Variants in ADAMTS9 observed in about 807,000 individuals in gnomAD.
ADAMTS9 encodes ADAM metallopeptidase with thrombospondin type 1 motif 9, also known as A disintegrin and metalloproteinase with thrombospondin motifs 9.
A neutral mutation model predicts 257.1 loss-of-function variants in ADAMTS9; 107 were observed. The observed-to-expected ratio is 0.42, with a 90% confidence interval of 0.36 to 0.49. The LOEUF (loss-of-function observed/expected upper bound fraction) is 0.49, where lower values mean the gene tolerates loss of function less well. ADAMTS9 is among the 20% of genes least tolerant of loss of function. The pLI is 0.03. For missense variants in ADAMTS9, 2,353 were observed against 2,469.1 expected (o/e 0.95, Z 1.00); for synonymous variants, 982 against 880.9 (o/e 1.11, Z -2.03).
chr3:64,589,403 C>T (rs920358562), intron 28 of ADAMTS9: 2 of 152,102 alleles, frequency 1.3e-5, no homozygotes, highest in Non-Finnish European at 2.9e-5. Flanking sequence ...TTTCTTTCTG[C>T]CAAAACAAGA....
chr3:64,681,950 T>C (rs1219820495), intron 2 of ADAMTS9, among the ~76,000 whole-genome samples: 4 of 152,176 alleles, frequency 2.6e-5, no homozygotes, highest in African/African-American at 7.2e-5. Flanking sequence ...TAGGGACAAG[T>C]ATGCACTCCA....
Position 64,532,150 on chromosome 3 carries a change from C to T in ADAMTS9, c.5718+1016G>A, listed in dbSNP as rs139015495. On this transcript the variant is annotated intron_variant, in intron 38 of 39. Coordinates refer to ENST00000498707, the MANE Select transcript of ADAMTS9 (RefSeq NM_182920.2). ...GGTGAGAAACAGTACACAGTCGACA[C>T]GCTCCTCAGTTTACAATGGGGTTAT... Among the ~76,000 whole-genome samples the T allele has an allele frequency of 3.1e-3, 479 of 152,274 alleles. 3 individuals carry two copies. The highest frequency in any genetic ancestry group is 0.011 in the African/African-American group (444 of 41,540).
intron 36 of ADAMTS9, 133 bp from the exon 37 acceptor site, chr3:64,539,427 T>C (rs2083092856): frequency 1.3e-6 from 1 of 751,978 alleles, no homozygotes; most frequent in African/African-American, 1.7e-5. Flanking sequence ...AGAAGCAATG[T>C]GAAATATTAG....
chr3:64,581,464 C>A (rs977053126), intron 28 of ADAMTS9, among the ~76,000 whole-genome samples: 1 of 152,006 alleles, frequency 6.6e-6, no homozygotes, highest in African/African-American at 2.4e-5. Flanking sequence ...GATTTCACCA[C>A]GTTGCCAAGG....
chr3:64,539,153 G>C, intron 37 of ADAMTS9, 50 bp downstream of exon 37: 1 of 1,530,056 alleles, frequency 6.5e-7, no homozygotes, highest in Non-Finnish European at 9.1e-7. Flanking sequence ...ATGTTCCCGG[G>C]AAAGGTGGGA....
intron 3 of ADAMTS9, among the ~76,000 whole-genome samples, chr3:64,661,119 T>C (rs1701210280): frequency 6.6e-6 from 1 of 152,202 alleles, no homozygotes. Context: ...AGGACTACTA[T>C]AGTAAAATCT....
At chr3:64,664,731 A>T (rs531583093) in intron 3 of ADAMTS9, among the ~76,000 whole-genome samples, 120 of 152,336 alleles carry the variant, frequency 7.9e-4, no homozygotes, top group Non-Finnish European at 1.4e-3. Flanking sequence ...GCTGCTATGA[A>T]CATTCATGTG....
At position 64,539,150 on chromosome 3, in the gene ADAMTS9, C is replaced by T. The variant is rs1236620996; in HGVS notation, c.5613+53G>A. The T allele has an allele frequency of 1.1e-5, 17 of 1,518,678 alleles. 1 individual carries two copies. In the South Asian group the frequency reaches 1.4e-4, roughly 12 times the overall value. 94.1% of individuals were successfully genotyped at this position (1,518,678 alleles called of 1,614,324 possible). On this transcript the variant is annotated intron_variant, in intron 37 of 39. Coordinates refer to ENST00000498707, the MANE Select transcript of ADAMTS9 (RefSeq NM_182920.2). ...GAACAGATGCAACTGAGGATGTTCC[C>T]GGGAAAGGTGGGAGGTGAATCCCTG...
chr3:64,535,847 C>G (rs568110708), intron 37 of ADAMTS9, among the ~76,000 whole-genome samples: 1 of 152,066 alleles, frequency 6.6e-6, no homozygotes, highest in African/African-American at 2.4e-5. Flanking sequence ...CTGCCACCCC[C>G]TCCCCCCAAA....
In ADAMTS9 at chr3:64,541,829, C is replaced by G. The variant is rs1253506993; in HGVS notation, c.5197+9G>C. The G allele has an allele frequency of 4.3e-6, 7 of 1,613,932 alleles. No homozygotes were observed. Among genetic ancestry groups the G allele is most frequent in the Non-Finnish European group, 5.9e-6 (7 of 1,179,938 alleles). On this transcript the variant is annotated intron_variant, in intron 33 of 39. Coordinates refer to ENST00000498707, the MANE Select transcript of ADAMTS9 (RefSeq NM_182920.2). ...GCTAAAGAAAGATAACTTCAGTTGG[C>G]CAACTTACAGTTATAGACATTACGG...
intron 28 of ADAMTS9, among the ~76,000 whole-genome samples, chr3:64,576,559 GC>G (rs986220608): frequency 2.6e-5 from 4 of 152,214 alleles, no homozygotes; most frequent in African/African-American, 9.7e-5. Flanking sequence ...AGGGCGTAAA[GC>G]CAGTGTTGAC....
chr3:64,541,878 C>T lies in ADAMTS9; in HGVS notation c.5157G>A (p.Leu1719=). The T allele has an allele frequency of 6.2e-7, 1 of 1,614,202 alleles. No homozygotes were observed. Residue 1719 remains leucine (L), a synonymous_variant, in exon 33 of 40, where the codon CTG becomes CTA. Coordinates refer to ENST00000498707, the MANE Select transcript of ADAMTS9 (RefSeq NM_182920.2). ...GGCAGGTTTTTCGTTCTTCTGGCTTCAGATCAGTGTGGCATAAGTGGCTGG... is the reference window on the plus strand; with the variant it reads ...GGCAGGTTTTTCGTTCTTCTGGCTTTAGATCAGTGTGGCATAAGTGGCTGG... The part of the protein sequence containing the change: ...DQPSHLCHTD[L]KPEERKTCRN...
chr3:64,606,862 A>C, intron 23 of ADAMTS9, 98 bp downstream of exon 23: 1 of 1,489,434 alleles, frequency 6.7e-7, no homozygotes, highest in Non-Finnish European at 9.2e-7. Context: ...CTACTGACAT[A>C]CTTATCTATG....
intron 29 of ADAMTS9, among the ~76,000 whole-genome samples, chr3:64,566,742 G>C (rs2083554424): frequency 6.6e-6 from 1 of 151,778 alleles, no homozygotes; most frequent in Non-Finnish European, 1.5e-5. Flanking sequence ...CAGATAAGTA[G>C]AGGCCAAGGA....
At chr3:64,537,100 T>C (rs1450087388) in intron 37 of ADAMTS9, among the ~76,000 whole-genome samples, 1 of 152,196 alleles carries the variant, frequency 6.6e-6, no homozygotes, top group Non-Finnish European at 1.5e-5. Context: ...GCTCAATATG[T>C]GTCTAAGGAA....
intron 22 of ADAMTS9, 65 bp downstream of exon 22, chr3:64,613,280 T>C: frequency 6.4e-7 from 1 of 1,567,112 alleles, no homozygotes; most frequent in Non-Finnish European, 8.7e-7. Flanking sequence ...GAATGCTCCT[T>C]TGCAAGTCCT....
At position 64,516,715 on chromosome 3, in the gene ADAMTS9, G is replaced by C. The variant is rs2082779665; in HGVS notation, c.*412C>G. 6.6e-6 allele frequency: 1 copy of C among 152,516 alleles called. No individual in the cohort carries two copies. The highest frequency in any genetic ancestry group is 6.5e-5 in the Admixed American group (1 of 15,270). The allele number at this position is 152,516 out of a possible 1,614,324, so 9.4% of individuals were successfully genotyped here. A position where few individuals can be genotyped will look rare whatever the true frequency, so the allele number is the denominator to read the frequency against. On this transcript the variant is annotated 3_prime_UTR_variant, in exon 40 of 40. Coordinates refer to ENST00000498707, the MANE Select transcript of ADAMTS9 (RefSeq NM_182920.2). ...TCTTATAGCACCTTGATGATGGCTA[G>C]ATTGTTTTAAAAAAATTCATTTTAA... is the stretch of plus-strand genomic sequence containing the variant.
chr3:64,650,361 T>G (rs1277504922), intron 9 of ADAMTS9: 3 of 152,704 alleles, frequency 2.0e-5, no homozygotes, highest in African/African-American at 7.2e-5. Context: ...CCAGTGACTC[T>G]GGGACAATCA....
chr3:64,684,326 T>C (rs1426481018), intron 2 of ADAMTS9, among the ~76,000 whole-genome samples: 2 of 107,784 alleles, frequency 1.9e-5, no homozygotes, highest in African/African-American at 6.0e-5. Context: ...GGTAGAGATG[T>C]TCAGGAGAGG....
Sources: gnomAD v4.1 joint callset for allele counts (sites outside exome capture counted in the v4.1 genomes callset) on GRCh38, gnomAD v4.1.1 for gene constraint, MANE v1.5 for transcripts, NCBI Gene and HGNC (gene_info 2026-07-23, HGNC 2026-07-21) for gene names.